NAPEPLD: variants seen among roughly 807,000 people sequenced by gnomAD.
NAPEPLD encodes the protein N-acyl phosphatidylethanolamine phospholipase D, also known as N-acyl-phosphatidylethanolamine-hydrolyzing phospholipase D.
NAPEPLD carries 23 observed loss-of-function variants against 38.1 expected under a neutral mutation model. The ratio of observed to expected loss-of-function variants is 0.60; its 90% CI spans 0.43 to 0.86. NAPEPLD has a LOEUF of 0.86. NAPEPLD is among the 40% of genes least tolerant of loss of function. NAPEPLD has a pLI of 0.00. For synonymous variants in NAPEPLD, 147 were observed against 162.0 expected (o/e 0.91, Z 0.71); for missense variants, 411 against 476.8 (o/e 0.86, Z 1.28).
chr7:103,142,204 C>G (rs901242002), intron 1 of NAPEPLD, among the ~76,000 whole-genome samples: 1 of 152,258 alleles, frequency 6.6e-6, no homozygotes, highest in East Asian at 1.9e-4. Context: ...AGCTGCCTAC[C>G]GTAAAGCCAA....
At position 103,133,085 on chromosome 7, in the gene NAPEPLD, C is replaced by T. The variant is rs1809305321; in HGVS notation, c.-16-4293G>A. 2.0e-5 allele frequency among the ~76,000 whole-genome samples: 3 copies of T among 152,160 alleles called. 1 individual carries two copies. In the South Asian group the frequency reaches 6.2e-4, roughly 32 times the overall value. On this transcript the variant is annotated intron_variant, in intron 1 of 4. Coordinates refer to ENST00000465647, the MANE Select transcript of NAPEPLD (RefSeq NM_001122838.3). ...TGATACAAACAAAACGAAAAAACCTCCAAAGGGTTTTTTGAGGGCAAAGGT... is the reference window on the plus strand; with the variant it reads ...TGATACAAACAAAACGAAAAAACCTTCAAAGGGTTTTTTGAGGGCAAAGGT...
At chr7:103,105,953 AAAAAG>A (rs1201594593) in intron 4 of NAPEPLD, among the ~76,000 whole-genome samples, 5 of 151,284 alleles carry the variant, frequency 3.3e-5, no homozygotes, top group African/African-American at 4.8e-5. Context: ...AAAAAAAAAA[AAAAAG>A]GCTGAAGAGG....
At position 103,120,339 on chromosome 7, in the gene NAPEPLD, G is replaced by A; in HGVS notation, c.295-116C>T. 5 of 1,090,120 alleles carry A rather than the reference G, an allele frequency of 4.6e-6. No individual in the cohort carries two copies. In the South Asian group the frequency reaches 8.6e-5, roughly 19 times the overall value. The allele number at this position is 1,090,120 out of a possible 1,614,324, so 67.5% of individuals were successfully genotyped here. On this transcript the variant is annotated intron_variant, in intron 2 of 4. Transcript: ENST00000465647. ...GAAGAGCTGTTTTAAGAGAACTAAA[G>A]TCATTCAATAAACTTGCTACACTTT...
intron 4 of NAPEPLD, 114 bp downstream of exon 4, chr7:103,114,946 T>C: frequency 1.4e-6 from 1 of 708,720 alleles, no homozygotes; most frequent in Non-Finnish European, 2.5e-6. Context: ...GTGACTGTGA[T>C]GACTGTGCAG....
chr7:103,138,535 C>A (rs1810557894), intron 1 of NAPEPLD, among the ~76,000 whole-genome samples: 1 of 150,478 alleles, frequency 6.6e-6, no homozygotes, highest in African/African-American at 2.4e-5. Flanking sequence ...GTGGTGCGAT[C>A]TCAGCTCACT....
rs1802658923 is a variant in NAPEPLD, at chr7:103,103,326, CA to C, written c.*102del. 1 of 1,351,274 alleles carries C rather than the reference CA, an allele frequency of 7.4e-7. No homozygotes were observed. Among genetic ancestry groups the C allele is most frequent in the African/African-American group, 1.5e-5 (1 of 67,418 alleles). 83.7% of individuals were successfully genotyped at this position (1,351,274 alleles called of 1,614,324 possible). ...AACATAAACTTGCAGAAGTTGTTTC[CA>C]AATGTAAAATAATCACAATATTCAT... On this transcript the variant is annotated 3_prime_UTR_variant, in exon 5 of 5. Coordinates refer to ENST00000465647, the MANE Select transcript of NAPEPLD (RefSeq NM_001122838.3).
In NAPEPLD at chr7:103,101,999, T is replaced by TCCCCCC. The variant is rs76739012; in HGVS notation, c.*1424_*1429dup. On this transcript the variant is annotated 3_prime_UTR_variant, in exon 5 of 5. Coordinates refer to ENST00000465647, the MANE Select transcript of NAPEPLD (RefSeq NM_001122838.3). ...AGGACTAAATCTTATGTCAACTGAC[T>TCCCCCC]CCCCCCCCGCCCCCCAACCACTGGC... is the stretch of plus-strand genomic sequence containing the variant. The TCCCCCC allele has an allele frequency of 1.6e-5, 2 of 124,770 alleles. No homozygotes were observed. The highest frequency in any genetic ancestry group is 3.3e-5 in the Non-Finnish European group (2 of 61,072). 7.7% of individuals were successfully genotyped at this position (124,770 alleles called of 1,614,324 possible). A position where few individuals can be genotyped will look rare whatever the true frequency, so the allele number is the denominator to read the frequency against.
chr7:103,106,336 A>G (rs1328807534), intron 4 of NAPEPLD, among the ~76,000 whole-genome samples: 2 of 151,318 alleles, frequency 1.3e-5, no homozygotes, highest in Non-Finnish European at 2.9e-5. Context: ...CAGACACCAA[A>G]CTAGCTGCGG....
chr7:103,119,092 A>G (rs1806101848), intron 3 of NAPEPLD, among the ~76,000 whole-genome samples: 2 of 152,260 alleles, frequency 1.3e-5, no homozygotes, highest in Non-Finnish European at 2.9e-5. Context: ...ATGTGAAAGA[A>G]TAAGAGTAGG....
At chr7:103,113,478 T>C (rs1224747588) in intron 4 of NAPEPLD, among the ~76,000 whole-genome samples, 1 of 151,330 alleles carries the variant, frequency 6.6e-6, no homozygotes, top group East Asian at 1.9e-4. Context: ...GACAGAGGAG[T>C]AACTAAAACT....
At chr7:103,144,429 A>G (rs1056887799) in intron 1 of NAPEPLD, among the ~76,000 whole-genome samples, 2 of 152,210 alleles carry the variant, frequency 1.3e-5, no homozygotes, top group African/African-American at 4.8e-5. Context: ...TTCAAATGCT[A>G]TAACTTTCAT....
At chr7:103,109,703 ACAAACT>A (rs1293939314) in intron 4 of NAPEPLD, among the ~76,000 whole-genome samples, 1 of 152,160 alleles carries the variant, frequency 6.6e-6, no homozygotes, top group Non-Finnish European at 1.5e-5. Context: ...GCAAGAGCAA[ACAAACT>A]CAAAAGCGAG....
intron 3 of NAPEPLD, among the ~76,000 whole-genome samples, chr7:103,117,098 T>A (rs1805733138): frequency 6.6e-6 from 1 of 152,248 alleles, no homozygotes; most frequent in South Asian, 2.1e-4. Context: ...ATTATTTACA[T>A]CCTAGTCTGC....
At chr7:103,135,451 C>T (rs1809825063) in intron 1 of NAPEPLD, among the ~76,000 whole-genome samples, 1 of 152,182 alleles carries the variant, frequency 6.6e-6, no homozygotes, top group South Asian at 2.1e-4. Context: ...AGGGCAGATA[C>T]ATCCAAGCAC....
chr7:103,139,534 G>T (rs1810783462), intron 1 of NAPEPLD, among the ~76,000 whole-genome samples: 1 of 152,158 alleles, frequency 6.6e-6, no homozygotes, highest in East Asian at 1.9e-4. Flanking sequence ...GATCCAGCAG[G>T]TCAGAGACAC....
intron 2 of NAPEPLD, among the ~76,000 whole-genome samples, chr7:103,123,351 T>A (rs1026548989): frequency 2.0e-5 from 3 of 152,216 alleles, no homozygotes; most frequent in Admixed American, 2.0e-4. Context: ...GATGAGTAAA[T>A]GAATGAATGT....
At position 103,120,050 on chromosome 7, in the gene NAPEPLD, T is replaced by C; in HGVS notation, c.468A>G (p.Pro156=). 1 of 1,614,212 alleles carries C rather than the reference T, an allele frequency of 6.2e-7. No individual in the cohort carries two copies. The highest frequency in any genetic ancestry group is 8.5e-7 in the Non-Finnish European group (1 of 1,180,034). ...ATCGCTTTGGACCCATGTACTGCGA[T>C]GGTGAAGCACGAGAGCTAAAGATGG... ...TDPIFSSRAS[P]SQYMGPKRFR... The change falls in exon 3 of 5, where the codon CCA becomes CCG. Residue 156 remains proline (P), a synonymous_variant. Coordinates refer to ENST00000465647, the MANE Select transcript of NAPEPLD (RefSeq NM_001122838.3).
intron 2 of NAPEPLD, 55 bp downstream of exon 2, chr7:103,128,428 T>C: frequency 6.3e-7 from 1 of 1,581,796 alleles, no homozygotes; most frequent in Non-Finnish European, 8.6e-7. Flanking sequence ...CTCAAATAAC[T>C]AGAGTGTCAT....
In NAPEPLD at chr7:103,120,018, C is replaced by T. The variant is rs149509915; in HGVS notation, c.500G>A (p.Arg167His). 2.4e-5 allele frequency: 38 copies of T among 1,614,018 alleles called. No homozygotes were observed. Among genetic ancestry groups the T allele is most frequent in the Middle Eastern group, 1.6e-4 (1 of 6,082 alleles). The change falls in exon 3 of 5, where the codon CGT becomes CAT. Residue 167 changes from arginine (R) to histidine (H), a missense_variant. Physicochemically the swap from Arg to His is conservative, Grantham distance 29. Transcript: ENST00000465647. ...GAGTTCACTTATTGTGCACGGGGAA[C>T]GACGAAATCGCTTTGGACCCATGTA... is the stretch of plus-strand genomic sequence containing the variant. ...SQYMGPKRFR[R>H]SPCTISELPP...
Sources: gnomAD v4.1 joint callset for allele counts (sites outside exome capture counted in the v4.1 genomes callset) on GRCh38, gnomAD v4.1.1 for gene constraint, MANE v1.5 for transcripts, NCBI Gene and HGNC (gene_info 2026-07-23, HGNC 2026-07-21) for gene names.